Variants in ZNF304 observed in about 807,000 individuals in gnomAD.
ZNF304 encodes zinc finger protein 304, also known as KRAB-containing zinc finger protein.
ZNF304 carries 7 observed loss-of-function variants against 7.8 expected under a neutral mutation model. That is an observed-to-expected ratio of 0.90 (90% CI 0.51 to 1.69). ZNF304 has a LOEUF of 1.69. ZNF304 is among the 40% of genes most tolerant of loss of function. The probability of loss-of-function intolerance (pLI) is 0.00; values close to 1 mark genes in which losing one functional copy is unlikely to be tolerated. For missense variants in ZNF304, 669 were observed against 804.8 expected (o/e 0.83, Z 2.04); for synonymous variants, 280 against 272.4 (o/e 1.03, Z -0.27).
Position 57,356,375 on chromosome 19 carries a change from G to T in ZNF304, c.506G>T (p.Cys169Phe), listed in dbSNP as rs1412253819. Residue 169 changes from cysteine (C) to phenylalanine (F), a missense_variant, in exon 3 of 3, where the codon TGC becomes TTC. Coordinates refer to ENST00000282286, the MANE Select transcript of ZNF304 (RefSeq NM_020657.4). ...TVHMLGRSFT[C>F]REEGMDLPDS... is the part of the protein sequence containing the mutation. ...CACATGTTAGGGAGATCCTTTACGT[G>T]CAGGGAGGAAGGGATGGACTTACCA... 2 of 1,614,198 alleles carry T rather than the reference G, an allele frequency of 1.2e-6. No individual in the cohort carries two copies. The highest frequency in any genetic ancestry group is 1.1e-5 in the South Asian group (1 of 91,078).
rs1406886794 is a variant in ZNF304, at chr19:57,351,594, G to C, written c.-71G>C. The stretch of plus-strand genomic sequence containing the variant: ...ACTTGGAGTGCTACACTCAGCCCGA[G>C]GGCGTCCAGCGCGGTGGAGGCGTGG... On this transcript the variant is annotated 5_prime_UTR_variant, in exon 1 of 3. Transcript: ENST00000282286. This position sits in a 1 kb window ranked among gnomAD's most constrained non-coding sequence, Gnocchi z 4.1. The C allele has an allele frequency of 5.0e-6, 8 of 1,589,580 alleles. No homozygotes were observed. In the East Asian group the frequency reaches 1.8e-4, roughly 36 times the overall value.
intron 2 of ZNF304, 60 bp from the exon 3 acceptor site, chr19:57,355,970 T>G: frequency 6.5e-7 from 1 of 1,544,056 alleles, no homozygotes; most frequent in Non-Finnish European, 8.7e-7. Context: ...ACATTTGTGA[T>G]GGGGCTGCTG....
Position 57,356,685 on chromosome 19 carries a change from CCA to C in ZNF304, c.819_820del (p.His273GlnfsTer9). 3 of 1,614,200 alleles carry C rather than the reference CCA, an allele frequency of 1.9e-6. No individual in the cohort carries two copies. Among genetic ancestry groups the C allele is most frequent in the Non-Finnish European group, 2.5e-6 (3 of 1,180,042 alleles). On this transcript the variant is annotated frameshift_variant, in exon 3 of 3. Coordinates refer to ENST00000282286, the MANE Select transcript of ZNF304 (RefSeq NM_020657.4). LOFTEE classifies it low-confidence loss of function (END_TRUNC). ...KSALINHRKI[H>X]SGEISHVCKE... The stretch of plus-strand genomic sequence containing the variant: ...CAGCTCTTATTAATCACAGAAAAAT[CCA>C]CAGTGGAGAAATATCTCATGTGTGT...
chr19:57,356,772 C>T lies in ZNF304; in HGVS notation c.903C>T (p.His301=). The change falls in exon 3 of 3, where the codon CAC becomes CAT. Residue 301 remains histidine, a synonymous_variant. Transcript: ENST00000282286. ...LHHLKMHQKF[H]TGKRHYTCSE... Reference sequence around the variant, plus strand: ...ACCTAAAAATGCACCAGAAATTTCACACTGGAAAAAGACACTATACATGCA... The same window carrying T: ...ACCTAAAAATGCACCAGAAATTTCATACTGGAAAAAGACACTATACATGCA... 6.2e-7 allele frequency: 1 copy of T among 1,614,150 alleles called. No individual in the cohort carries two copies. Among genetic ancestry groups the T allele is most frequent in the South Asian group, 1.1e-5 (1 of 91,082 alleles).
chr19:57,354,411 T>G (rs2088311647), intron 2 of ZNF304, among the ~76,000 whole-genome samples: 1 of 152,202 alleles, frequency 6.6e-6, no homozygotes, highest in South Asian at 2.1e-4. Context: ...ACAAGCTCAC[T>G]CACATTGCTT....
intron 2 of ZNF304, among the ~76,000 whole-genome samples, chr19:57,355,111 A>T (rs567329478): frequency 6.6e-6 from 1 of 152,224 alleles, no homozygotes; most frequent in East Asian, 1.9e-4. Flanking sequence ...CTGGGGCCTG[A>T]CTGTGCCAGG....
At position 57,358,002 on chromosome 19, in the gene ZNF304, C is replaced by T. The variant is rs2088371126; in HGVS notation, c.*153C>T. ...AGATGAGCACCGTATATTCATTCCA[C>T]CCTGGGGAGATTCCTGATAAGCACC... On this transcript the variant is annotated 3_prime_UTR_variant, in exon 3 of 3. Coordinates refer to ENST00000282286, the MANE Select transcript of ZNF304 (RefSeq NM_020657.4). The T allele has an allele frequency of 3.2e-6, 3 of 945,884 alleles. No homozygotes were observed. Among genetic ancestry groups the T allele is most frequent in the Non-Finnish European group, 4.7e-6 (3 of 644,372 alleles). 58.6% of individuals were successfully genotyped at this position (945,884 alleles called of 1,614,324 possible). A position where few individuals can be genotyped will look rare whatever the true frequency, so the allele number is the denominator to read the frequency against.
Position 57,356,163 on chromosome 19 carries a change from GA to G in ZNF304, c.297del (p.Asp100ThrfsTer56). 6.2e-7 allele frequency: 1 copy of G among 1,614,230 alleles called. No individual in the cohort carries two copies. Among genetic ancestry groups the G allele is most frequent in the Non-Finnish European group, 8.5e-7 (1 of 1,180,048 alleles). ...HPCEMCDPLL[K>X]DILHLAEHQG... ...CATGTGAGATGTGTGACCCACTCTT[GA>G]AAGACATTTTGCACCTGGCTGAACA... On this transcript the variant is annotated frameshift_variant, in exon 3 of 3. Coordinates refer to ENST00000282286, the MANE Select transcript of ZNF304 (RefSeq NM_020657.4). LOFTEE classifies it low-confidence loss of function (END_TRUNC).
rs1015273184 is a variant in ZNF304, at chr19:57,351,420, G to C, written c.-245G>C. On this transcript the variant is annotated 5_prime_UTR_variant, in exon 1 of 3. The change abolishes an upstream ATG in the 5' untranslated region. Coordinates refer to ENST00000282286, the MANE Select transcript of ZNF304 (RefSeq NM_020657.4). The surrounding 1 kb of genome is among the most constrained non-coding windows in gnomAD (Gnocchi z 4.1). ...CCTTCGCGCTTTTGTTACAATCCAT[G>C]ACCCCTGTCGTGGGACGGGCGGCCT... 3 of 577,308 alleles carry C rather than the reference G, an allele frequency of 5.2e-6. No individual in the cohort carries two copies. Among genetic ancestry groups the C allele is most frequent in the Middle Eastern group, 4.3e-4 (1 of 2,322 alleles). 35.8% of individuals were successfully genotyped at this position (577,308 alleles called of 1,614,324 possible).
In ZNF304 at chr19:57,356,205, T is replaced by G; in HGVS notation, c.336T>G (p.Leu112=). ...TGGCTGAACACCAGGGATCACACCT[T>G]ACACAGAAACTGTGCACACGTGGGC... ...LHLAEHQGSH[L]TQKLCTRGLC... is the part of the protein sequence containing the mutation. Residue 112 remains leucine (L), a synonymous_variant, in exon 3 of 3, where the codon CTT becomes CTG. Coordinates refer to ENST00000282286, the MANE Select transcript of ZNF304 (RefSeq NM_020657.4). 6.2e-7 allele frequency: 1 copy of G among 1,614,236 alleles called. No homozygotes were observed.
At position 57,356,747 on chromosome 19, in the gene ZNF304, A is replaced by G. The variant is rs756334631; in HGVS notation, c.878A>G (p.His293Arg). The change falls in exon 3 of 3, where the codon CAC becomes CGC. Residue 293 changes from histidine (H) to arginine (R), a missense_variant. His to Arg is a conservative substitution (Grantham distance 29). Coordinates refer to ENST00000282286, the MANE Select transcript of ZNF304 (RefSeq NM_020657.4). ...GGAAAAGCCTTCATTCACTTGCACC[A>G]CCTAAAAATGCACCAGAAATTTCAC... ...ECGKAFIHLHHLKMHQKFHTG... is the reference protein window; with the variant it reads ...ECGKAFIHLHRLKMHQKFHTG... 1.2e-6 allele frequency: 2 copies of G among 1,614,190 alleles called. No homozygotes were observed. The highest frequency in any genetic ancestry group is 1.7e-6 in the Non-Finnish European group (2 of 1,180,040).
intron 2 of ZNF304, 125 bp downstream of exon 2, chr19:57,353,976 T>C (rs78173330): frequency 0.014 from 11,095 of 807,974 alleles, 105 homozygotes; most frequent in Middle Eastern, 0.027. Context: ...AGAGCATTTT[T>C]TGTTGTTTAT....
At position 57,356,539 on chromosome 19, in the gene ZNF304, A is replaced by C; in HGVS notation, c.670A>C (p.Ser224Arg). Reference sequence around the variant, plus strand: ...AGACTATGATGGACAGATGCTTTTCAGTTGCGGTGATGAAGGGAAAGCCTT... The same window carrying C: ...AGACTATGATGGACAGATGCTTTTCCGTTGCGGTGATGAAGGGAAAGCCTT... ...QGDYDGQMLF[S>R]CGDEGKAFLD... is the part of the protein sequence containing the mutation. Residue 224 changes from serine (S) to arginine (R), a missense_variant, in exon 3 of 3, where the codon AGT becomes CGT. Physicochemically the swap from Ser to Arg is moderately radical, Grantham distance 110 (BLOSUM62 -1). Transcript: ENST00000282286. 6.2e-7 allele frequency: 1 copy of C among 1,614,220 alleles called. No homozygotes were observed. The highest frequency in any genetic ancestry group is 8.5e-7 in the Non-Finnish European group (1 of 1,180,038).
chr19:57,357,844 G>A lies in ZNF304; in HGVS notation c.1975G>A (p.Val659Ile). 6.3e-7 allele frequency: 1 copy of A among 1,583,438 alleles called. No homozygotes were observed. The highest frequency in any genetic ancestry group is 1.2e-5 in the South Asian group (1 of 86,038). Residue 659 changes from valine (V) to isoleucine (I), a missense_variant, in exon 3 of 3, where the codon GTT becomes ATT. Transcript: ENST00000282286. ...CCCTTTAGCTGCATCTCTTAAACTT[G>A]TTTAACACCAGAAAATTCACACAAG... ...GGPLAASLKLV is the reference protein window; with the variant it reads ...GGPLAASLKLI
At position 57,356,462 on chromosome 19, in the gene ZNF304, C is replaced by T. The variant is rs200214500; in HGVS notation, c.593C>T (p.Thr198Ile). The T allele has an allele frequency of 2.0e-4, 327 of 1,614,026 alleles. No individual in the cohort carries two copies. Among genetic ancestry groups the T allele is most frequent in the Admixed American group, 1.1e-3 (64 of 59,996 alleles). ...TYNRVSPCRRTECMESFPHSS... is the reference protein window; with the variant it reads ...TYNRVSPCRRIECMESFPHSS... The stretch of plus-strand genomic sequence containing the variant: ...AATAGGGTGAGTCCATGCAGAAGGA[C>T]TGAATGCATGGAGTCTTTCCCACAC... Residue 198 changes from threonine (T) to isoleucine (I), a missense_variant, in exon 3 of 3, where the codon ACT becomes ATT. Physicochemically the swap from Thr to Ile is moderately conservative, Grantham distance 89. Coordinates refer to ENST00000282286, the MANE Select transcript of ZNF304 (RefSeq NM_020657.4).
chr19:57,357,831 A>G lies in ZNF304; in HGVS notation c.1962A>G (p.Ala654=), dbSNP rs1227155322. The part of the protein sequence containing the change: ...ECNSFGGPLA[A]SLKLV Reference sequence around the variant, plus strand: ...ACAGTTTTGGTGGCCCTTTAGCTGCATCTCTTAAACTTGTTTAACACCAGA... The same window carrying G: ...ACAGTTTTGGTGGCCCTTTAGCTGCGTCTCTTAAACTTGTTTAACACCAGA... Residue 654 remains alanine, a synonymous_variant, in exon 3 of 3, where the codon GCA becomes GCG. Coordinates refer to ENST00000282286, the MANE Select transcript of ZNF304 (RefSeq NM_020657.4). 5.0e-6 allele frequency: 8 copies of G among 1,599,948 alleles called. No individual in the cohort carries two copies. The highest frequency in any genetic ancestry group is 1.8e-5 in the Admixed American group (1 of 56,426).
rs1209399100 is a variant in ZNF304 at position 57,356,280 on chromosome 19, G to A, written c.411G>A (p.Lys137=). 2 of 1,614,114 alleles carry A rather than the reference G, an allele frequency of 1.2e-6. No individual in the cohort carries two copies. Among genetic ancestry groups the A allele is most frequent in the Non-Finnish European group, 1.7e-6 (2 of 1,180,056 alleles). ...SFSANFYQHQ[K]QHNGENCFRG... is the part of the protein sequence containing the mutation. ...GTGCAAACTTTTACCAGCACCAGAA[G>A]CAACATAATGGAGAGAATTGCTTCA... Residue 137 remains lysine (K), a synonymous_variant, in exon 3 of 3, where the codon AAG becomes AAA. Coordinates refer to ENST00000282286, the MANE Select transcript of ZNF304 (RefSeq NM_020657.4).
intron 2 of ZNF304, among the ~76,000 whole-genome samples, chr19:57,354,226 G>A (rs1279651799): frequency 6.6e-6 from 1 of 152,066 alleles, no homozygotes; most frequent in African/African-American, 2.4e-5. Flanking sequence ...GGCTGGTCTA[G>A]AGCTCCTGAC....
chr19:57,357,803 G>A lies in ZNF304; in HGVS notation c.1934G>A (p.Cys645Tyr). The change falls in exon 3 of 3, where the codon TGC becomes TAC. Residue 645 changes from cysteine (C) to tyrosine (Y), a missense_variant. Coordinates refer to ENST00000282286, the MANE Select transcript of ZNF304 (RefSeq NM_020657.4). ...CACACTGGAGAAAGAGCTCACGAGTGCAACAGTTTTGGTGGCCCTTTAGCT... is the reference window on the plus strand; with the variant it reads ...CACACTGGAGAAAGAGCTCACGAGTACAACAGTTTTGGTGGCCCTTTAGCT... The part of the protein sequence containing the change: ...KAHTGERAHE[C>Y]NSFGGPLAAS... The A allele has an allele frequency of 6.2e-7, 1 of 1,611,248 alleles. No individual in the cohort carries two copies. The highest frequency in any genetic ancestry group is 8.5e-7 in the Non-Finnish European group (1 of 1,179,144).
Sources: gnomAD v4.1 joint callset for allele counts (sites outside exome capture counted in the v4.1 genomes callset) on GRCh38, gnomAD v4.1.1 for gene constraint, Gnocchi (gnomAD v3.1) non-coding constraint, MANE v1.5 for transcripts, NCBI Gene and HGNC (gene_info 2026-07-23, HGNC 2026-07-21) for gene names.